PRKCE: variants seen among roughly 807,000 people sequenced by gnomAD.
PRKCE encodes protein kinase C epsilon.
Under a neutral mutation model 85.4 loss-of-function variants are expected in PRKCE, and 16 were observed. The ratio of observed to expected loss-of-function variants is 0.19; its 90% confidence interval spans 0.13 to 0.28. The LOEUF is 0.28. PRKCE is among the 10% of genes least tolerant of loss of function. The pLI, the probability that PRKCE is intolerant of heterozygous loss-of-function variation, is 1.00. For synonymous variants in PRKCE, 388 were observed against 371.5 expected (o/e 1.04, Z -0.51); for missense variants, 573 against 975.2 (o/e 0.59, Z 5.49).
intron 11 of PRKCE, among the ~76,000 whole-genome samples, chr2:46,127,007 T>G (rs1430017027): frequency 6.6e-6 from 1 of 152,110 alleles, no homozygotes; most frequent in Non-Finnish European, 1.5e-5. Flanking sequence ...AGTCAGTGAG[T>G]GCTATTTTAA....
chr2:45,977,442 G>C (rs1372727066), intron 3 of PRKCE, among the ~76,000 whole-genome samples: 2 of 151,940 alleles, frequency 1.3e-5, no homozygotes, highest in Non-Finnish European at 2.9e-5. Context: ...TTTGAAACCA[G>C]CCTGGTCAAC....
At chr2:45,891,064 T>G (rs965746047) in intron 2 of PRKCE, among the ~76,000 whole-genome samples, 6 of 152,094 alleles carry the variant, frequency 3.9e-5, no homozygotes, top group African/African-American at 1.4e-4. Flanking sequence ...GGCGTAGATA[T>G]TGGGTTGGGT....
At chr2:45,817,066 A>AGAGTGTGT (rs374200877) in intron 1 of PRKCE, among the ~76,000 whole-genome samples, 29 of 135,880 alleles carry the variant, frequency 2.1e-4, no homozygotes, top group African/African-American at 8.2e-4. Context: ...CTGTAAGTAG[A>AGAGTGTGT]GTGTGTGTGT....
intron 10 of PRKCE, among the ~76,000 whole-genome samples, chr2:46,016,957 A>G (rs902678297): frequency 6.6e-6 from 1 of 150,466 alleles, no homozygotes; most frequent in Non-Finnish European, 1.5e-5. Flanking sequence ...TAGATCAGCC[A>G]TTTTATAACT....
intron 2 of PRKCE, among the ~76,000 whole-genome samples, chr2:45,862,988 C>T (rs1382826836): frequency 6.6e-6 from 1 of 152,214 alleles, no homozygotes; most frequent in Admixed American, 6.5e-5. Flanking sequence ...GGTGTCTCCA[C>T]CCCCTCTACT....
intron 1 of PRKCE, among the ~76,000 whole-genome samples, chr2:45,725,264 G>A (rs141419369): frequency 1.2e-4 from 19 of 152,276 alleles, no homozygotes; most frequent in African/African-American, 4.3e-4. Context: ...GCCCACCATT[G>A]AGACCTGCTC....
chr2:46,169,068 G>A lies in PRKCE; in HGVS notation c.2067+9316G>A, dbSNP rs778612524. Among the ~76,000 whole-genome samples the A allele has an allele frequency of 2.0e-5, 3 of 152,146 alleles. No homozygotes were observed. In the East Asian group the frequency reaches 5.8e-4, roughly 29 times the overall value. ...CCAGCCAGAATTTGTTCCCTGAAGG[G>A]TACAGGCACCAAGGGGCACTTTGCA... On this transcript the variant is annotated intron_variant, in intron 14 of 14. Coordinates refer to ENST00000306156, the MANE Select transcript of PRKCE (RefSeq NM_005400.3).
chr2:45,665,425 C>G (rs1675865081), intron 1 of PRKCE, among the ~76,000 whole-genome samples: 2 of 152,162 alleles, frequency 1.3e-5, no homozygotes, highest in South Asian at 4.1e-4. Flanking sequence ...TGTTGAGTTG[C>G]TGTGAGGATT....
chr2:46,067,137 A>T (rs967818711), intron 10 of PRKCE, among the ~76,000 whole-genome samples: 2 of 152,204 alleles, frequency 1.3e-5, no homozygotes, highest in African/African-American at 4.8e-5. Context: ...AATTATTTAA[A>T]ACATTATCTA....
intron 2 of PRKCE, among the ~76,000 whole-genome samples, chr2:45,928,056 T>C (rs1698764725): frequency 6.6e-6 from 1 of 152,124 alleles, no homozygotes; most frequent in Non-Finnish European, 1.5e-5. Flanking sequence ...ATAGTACCCC[T>C]AGCACTAAAC....
Position 46,126,706 on chromosome 2 carries a change from G to C in PRKCE, c.1593-18387G>C, listed in dbSNP as rs372527575. 7.8e-4 allele frequency among the ~76,000 whole-genome samples: 118 copies of C among 152,180 alleles called. 1 individual carries two copies. The highest frequency in any genetic ancestry group is 2.8e-3 in the African/African-American group (115 of 41,516). On this transcript the variant is annotated intron_variant, in intron 11 of 14. Transcript: ENST00000306156. ...TCCCCATAGGACCTAACACAGAACCGGGTCTATGGTAAGGGATTGACAACT... is the reference window on the plus strand; with the variant it reads ...TCCCCATAGGACCTAACACAGAACCCGGTCTATGGTAAGGGATTGACAACT...
chr2:46,101,127 C>T (rs1671179935), intron 11 of PRKCE, among the ~76,000 whole-genome samples: 2 of 152,162 alleles, frequency 1.3e-5, no homozygotes, highest in Non-Finnish European at 2.9e-5. Flanking sequence ...CCTTGGCCTC[C>T]CGAAGTCTGG....
chr2:45,764,408 T>G (rs1387348239), intron 1 of PRKCE, among the ~76,000 whole-genome samples: 1 of 152,198 alleles, frequency 6.6e-6, no homozygotes, highest in African/African-American at 2.4e-5. Flanking sequence ...CAAAATGGGA[T>G]CTTAATTCAG....
At chr2:45,713,942 G>T (rs901577273) in intron 1 of PRKCE, among the ~76,000 whole-genome samples, 2 of 152,192 alleles carry the variant, frequency 1.3e-5, no homozygotes, top group Non-Finnish European at 2.9e-5. Context: ...ACAGTAAAAT[G>T]TCTCTTCCTT....
At chr2:45,796,968 T>C (rs1687485783) in intron 1 of PRKCE, among the ~76,000 whole-genome samples, 1 of 152,190 alleles carries the variant, frequency 6.6e-6, no homozygotes, top group Non-Finnish European at 1.5e-5. Context: ...CTCAGAACAG[T>C]TAAGACATCA....
chr2:45,760,921 A>G (rs2104822528), intron 1 of PRKCE, among the ~76,000 whole-genome samples: 1 of 152,194 alleles, frequency 6.6e-6, no homozygotes, highest in African/African-American at 2.4e-5. Flanking sequence ...TCTTTACCAA[A>G]ACCCTTAGTA....
intron 14 of PRKCE, among the ~76,000 whole-genome samples, chr2:46,174,237 C>G (rs1448279348): frequency 6.6e-6 from 1 of 152,228 alleles, no homozygotes; most frequent in Non-Finnish European, 1.5e-5. Context: ...TGCCAGGACC[C>G]TTTCCGTTGG....
rs188063991 is a variant in PRKCE, at chr2:45,754,795, G to A, written c.349-88205G>A. On this transcript the variant is annotated intron_variant, in intron 1 of 14. Coordinates refer to ENST00000306156, the MANE Select transcript of PRKCE (RefSeq NM_005400.3). ...CTGACGTGCATTGGAAGGCAAAGCT[G>A]TCCTGCATCACACAGCATCAGCTGG... Among the ~76,000 whole-genome samples the A allele has an allele frequency of 1.6e-4, 24 of 152,344 alleles. No individual in the cohort carries two copies. In the East Asian group the frequency reaches 4.4e-3, roughly 28 times the overall value.
At chr2:45,997,536 T>G (rs1292548911) in intron 6 of PRKCE, among the ~76,000 whole-genome samples, 2 of 151,992 alleles carry the variant, frequency 1.3e-5, no homozygotes, top group Non-Finnish European at 2.9e-5. Context: ...ATTTCATTTT[T>G]TATTTTTATT....
Sources: allele counts gnomAD v4.1 joint callset (sites outside exome capture counted in the v4.1 genomes callset), GRCh38; gene constraint gnomAD v4.1.1; transcripts MANE v1.5; gene names NCBI Gene and HGNC (gene_info 2026-07-23, HGNC 2026-07-21).